Variants in MYO1E observed in about 807,000 individuals in gnomAD.
The protein encoded by MYO1E is myosin IE.
In MYO1E, 68 loss-of-function variants were observed where a neutral mutation model predicts 151.1. The ratio of observed to expected loss-of-function variants is 0.45; its 90% CI spans 0.37 to 0.55. MYO1E has a LOEUF of 0.55. MYO1E is among the 20% of genes least tolerant of loss of function. The pLI, the probability that MYO1E is intolerant of heterozygous loss-of-function variation, is 0.00. For synonymous variants in MYO1E, 601 were observed against 501.7 expected (o/e 1.20, Z -2.64); for missense variants, 1,363 against 1,389.3 (o/e 0.98, Z 0.30).
Position 59,372,163 on chromosome 15 carries a change from G to A in MYO1E, c.3+335C>T, listed in dbSNP as rs1596448046. Among the ~76,000 whole-genome samples the A allele has an allele frequency of 4.6e-5, 7 of 151,652 alleles. No homozygotes were observed. The East Asian group carries it at 1.2e-3, about 25-fold the overall frequency. ...TGCCGGCTGCGCCCCCCACGTCCCA[G>A]CAGGAGGAGGGGACCCCCTCCCGCG... On this transcript the variant is annotated intron_variant, in intron 1 of 27. Coordinates refer to ENST00000288235, the MANE Select transcript of MYO1E (RefSeq NM_004998.4).
At chr15:59,331,467 T>C (rs2080697546) in intron 1 of MYO1E, among the ~76,000 whole-genome samples, 1 of 152,022 alleles carries the variant, frequency 6.6e-6, no homozygotes, top group African/African-American at 2.4e-5. Context: ...CTGCCCCATA[T>C]TTCAGATGAG....
At chr15:59,316,503 GAGAA>G (rs2080589988) in intron 1 of MYO1E, among the ~76,000 whole-genome samples, 2 of 152,100 alleles carry the variant, frequency 1.3e-5, no homozygotes, top group South Asian at 2.1e-4. Flanking sequence ...ATAGAGAGAA[GAGAA>G]AGAAAGAAAA....
At chr15:59,291,162 T>C (rs2080416361) in intron 1 of MYO1E, among the ~76,000 whole-genome samples, 2 of 152,244 alleles carry the variant, frequency 1.3e-5, no homozygotes, top group Admixed American at 6.5e-5. Context: ...TGAAAGGATT[T>C]GTACGATACT....
At chr15:59,268,665 C>A (rs1433123801) in intron 2 of MYO1E, among the ~76,000 whole-genome samples, 3 of 138,566 alleles carry the variant, frequency 2.2e-5, no homozygotes, top group Non-Finnish European at 4.6e-5. Context: ...GAAAGCTCTA[C>A]ACCAAGAGAT....
At chr15:59,258,463 T>C (rs781228706) in intron 3 of MYO1E, among the ~76,000 whole-genome samples, 2 of 152,266 alleles carry the variant, frequency 1.3e-5, no homozygotes, top group East Asian at 1.9e-4. Context: ...GTTTGAATAG[T>C]TGGCCACCTT....
intron 1 of MYO1E, among the ~76,000 whole-genome samples, chr15:59,296,288 A>G (rs1163462769): frequency 2.6e-5 from 4 of 152,234 alleles, no homozygotes; most frequent in Non-Finnish European, 5.9e-5. Flanking sequence ...GCTGGGCATC[A>G]TAAGGATATT....
In MYO1E at chr15:59,371,703, C is replaced by A. The variant is rs565775789; in HGVS notation, c.3+795G>T. 1.4e-4 allele frequency among the ~76,000 whole-genome samples: 22 copies of A among 152,316 alleles called. No homozygotes were observed. In the East Asian group the frequency reaches 3.3e-3, roughly 23 times the overall value. On this transcript the variant is annotated intron_variant, in intron 1 of 27. Transcript: ENST00000288235. ...GGCGTCTTCCCGTGCGAAGCGTCCC[C>A]TGGATCCCCGAAAAGCCCCGATCCC...
At chr15:59,323,830 C>T (rs1177417224) in intron 1 of MYO1E, among the ~76,000 whole-genome samples, 2 of 151,938 alleles carry the variant, frequency 1.3e-5, no homozygotes, top group Admixed American at 6.6e-5. Flanking sequence ...AGAGAGGGGT[C>T]TGGCTGCCCA....
At chr15:59,342,624 T>C (rs1175697583) in intron 1 of MYO1E, among the ~76,000 whole-genome samples, 1 of 152,248 alleles carries the variant, frequency 6.6e-6, no homozygotes, top group Non-Finnish European at 1.5e-5. Flanking sequence ...ATGTTATTAC[T>C]GATAAGTGAG....
At chr15:59,311,892 C>G (rs138926646) in intron 1 of MYO1E, among the ~76,000 whole-genome samples, 1 of 152,114 alleles carries the variant, frequency 6.6e-6, no homozygotes, top group African/African-American at 2.4e-5. Flanking sequence ...TTCTCGTGCA[C>G]GCACTTGCCA....
chr15:59,163,215 A>C lies in MYO1E; in HGVS notation c.2569T>G (p.Leu857Val). Residue 857 changes from leucine (L) to valine (V), a missense_variant, in exon 23 of 28, where the codon TTA (leucine) becomes GTA (valine). Coordinates refer to ENST00000288235, the MANE Select transcript of MYO1E (RefSeq NM_004998.4). The part of the protein sequence containing the change: ...SVFKTEFLSL[L>V]AKRYEEKTQK... ...GTCTTCTCCTCGTAACGCTTTGCTAAGAGGCTTAGGAATTCAGTTTTGAAG... is the reference window on the plus strand; with the variant it reads ...GTCTTCTCCTCGTAACGCTTTGCTACGAGGCTTAGGAATTCAGTTTTGAAG... 2 of 1,614,154 alleles carry C rather than the reference A, an allele frequency of 1.2e-6. No individual in the cohort carries two copies. The highest frequency in any genetic ancestry group is 1.1e-5 in the South Asian group (1 of 91,084).
chr15:59,319,548 ACCTTTTTTTTTTTTTTTT>A (rs1242952703), intron 1 of MYO1E, among the ~76,000 whole-genome samples: 1 of 74,940 alleles, frequency 1.3e-5, no homozygotes, highest in Non-Finnish European at 2.8e-5. Flanking sequence ...AAGTCAAACT[ACCTTTTTTTTTTTTTTTT>A]TTTTTTTTTT....
At chr15:59,148,205 C>T (rs12161945) in intron 26 of MYO1E, among the ~76,000 whole-genome samples, 3 of 151,954 alleles carry the variant, frequency 2.0e-5, no homozygotes, top group African/African-American at 7.3e-5. Flanking sequence ...AGTGACAAGC[C>T]TGGGGTAGCA....
intron 7 of MYO1E, among the ~76,000 whole-genome samples, chr15:59,227,148 C>T (rs1478526665): frequency 6.6e-6 from 1 of 152,242 alleles, no homozygotes; most frequent in Non-Finnish European, 1.5e-5. Flanking sequence ...TCACACCTCT[C>T]CTACTATCCG....
At position 59,217,936 on chromosome 15, in the gene MYO1E, C is replaced by T; in HGVS notation, c.1062G>A (p.Ala354=). 3.1e-6 allele frequency: 5 copies of T among 1,614,062 alleles called. No homozygotes were observed. The highest frequency in any genetic ancestry group is 4.5e-5 in the East Asian group (2 of 44,896). ...CCCGGGCGTGCAGGGCCTTGGCGAG[C>T]GCATCCCGGGTGTAACAGGCCTGCT... ...NVEQACYTRD[A]LAKALHARVF... The change falls in exon 10 of 28, where the codon GCG becomes GCA. Residue 354 remains alanine (A), a synonymous_variant. Transcript: ENST00000288235.
chr15:59,178,462 C>T lies in MYO1E; in HGVS notation c.1980G>A (p.Gln660=), dbSNP rs1436990568. ...ACTGGTCGCTGTCCATGTTGACCGA[C>T]TGCAGCAGGTGCAGGACGCCTTGCT... is the stretch of plus-strand genomic sequence containing the variant. ...EEKQGVLHLL[Q]SVNMDSDQFQ... The change falls in exon 19 of 28, where the codon CAG becomes CAA. Residue 660 remains glutamine, a synonymous_variant. Transcript: ENST00000288235. 3 of 1,614,124 alleles carry T rather than the reference C, an allele frequency of 1.9e-6. No homozygotes were observed. The highest frequency in any genetic ancestry group is 1.3e-5 in the African/African-American group (1 of 74,946).
intron 4 of MYO1E, among the ~76,000 whole-genome samples, chr15:59,242,448 G>A (rs1461130071): frequency 1.3e-5 from 2 of 152,212 alleles, no homozygotes; most frequent in African/African-American, 4.8e-5. Flanking sequence ...AATGGATTAC[G>A]ATCCTTTGAA....
At chr15:59,302,788 T>G (rs1466071969) in intron 1 of MYO1E, among the ~76,000 whole-genome samples, 1 of 152,170 alleles carries the variant, frequency 6.6e-6, no homozygotes, top group Non-Finnish European at 1.5e-5. Context: ...CTATATAAAT[T>G]ATACAAATAT....
chr15:59,186,376 T>A (rs1277403469), intron 18 of MYO1E, among the ~76,000 whole-genome samples: 1 of 150,602 alleles, frequency 6.6e-6, no homozygotes, highest in Non-Finnish European at 1.5e-5. Flanking sequence ...GTAATTAACT[T>A]CTTCTTCAGT....
Sources: allele counts gnomAD v4.1 joint callset (sites outside exome capture counted in the v4.1 genomes callset), GRCh38; gene constraint gnomAD v4.1.1; transcripts MANE v1.5; gene names NCBI Gene and HGNC (gene_info 2026-07-23, HGNC 2026-07-21).